The following SLA variants were observed in gnomAD, a reference collection of about 807,000 sequenced individuals.
SLA encodes the protein Src like adaptor, also known as src-like-adapter.
Under a neutral mutation model 30.3 loss-of-function variants are expected in SLA, and 16 were observed. The ratio of observed to expected loss-of-function variants is 0.53; its 90% confidence interval spans 0.36 to 0.80. The LOEUF (loss-of-function observed/expected upper bound fraction) is 0.80, where lower values mean the gene tolerates loss of function less well. Among genes scored for constraint, SLA ranks in the 30% least tolerant of loss-of-function variants. The pLI, the probability that SLA is intolerant of heterozygous loss-of-function variation, is 0.01. For synonymous variants in SLA, 143 were observed against 137.8 expected (o/e 1.04, Z -0.26); for missense variants, 310 against 345.2 (o/e 0.90, Z 0.81).
chr8:133,100,088 C>G (rs907850905), intron 1 of SLA, among the ~76,000 whole-genome samples: 4 of 152,202 alleles, frequency 2.6e-5, no homozygotes, highest in African/African-American at 7.2e-5. Context: ...GCTCTCTGAC[C>G]TTAACTCCTG....
At chr8:133,067,809 AAAGG>A (rs139216271) in intron 2 of SLA, among the ~76,000 whole-genome samples, 16,384 of 149,878 alleles carry the variant, frequency 0.11, 1,061 homozygotes, top group Non-Finnish European at 0.15. Context: ...AGAAAGAAAG[AAAGG>A]AAGGAAGGAA....
intron 7 of SLA, among the ~76,000 whole-genome samples, chr8:133,041,312 G>T (rs150522363): frequency 3.0e-4 from 46 of 152,318 alleles, no homozygotes; most frequent in African/African-American, 9.9e-4. Context: ...CCTTGCCAAA[G>T]AACAAAAGGA....
chr8:133,070,822 C>T (rs373493392), intron 2 of SLA, among the ~76,000 whole-genome samples: 6 of 152,234 alleles, frequency 3.9e-5, no homozygotes, highest in African/African-American at 1.2e-4. Context: ...CAGGCACCCC[C>T]GCTCCTGACC....
At chr8:133,078,838 G>A (rs1171361313) in intron 1 of SLA, among the ~76,000 whole-genome samples, 3 of 152,210 alleles carry the variant, frequency 2.0e-5, no homozygotes, top group Admixed American at 6.5e-5. Flanking sequence ...AGAATTCTCA[G>A]GTAGAGCATG....
intron 1 of SLA, among the ~76,000 whole-genome samples, chr8:133,101,639 G>C (rs1179314756): frequency 6.6e-6 from 1 of 152,204 alleles, no homozygotes; most frequent in Non-Finnish European, 1.5e-5. Flanking sequence ...ACCAACACCT[G>C]TTTGTTTAGT....
At chr8:133,095,337 G>A (rs1848243465) in intron 1 of SLA, 2 of 1,286,160 alleles carry the variant, frequency 1.6e-6, no homozygotes, top group South Asian at 1.2e-5. Context: ...AACTGGAGCT[G>A]GAACTCACAT....
intron 1 of SLA, among the ~76,000 whole-genome samples, chr8:133,089,247 G>T (rs989334868): frequency 6.6e-6 from 1 of 152,174 alleles, no homozygotes; most frequent in African/African-American, 2.4e-5. Flanking sequence ...GTTCTCTTCT[G>T]TTCCGCATAT....
chr8:133,054,934 T>C (rs1038466811), intron 3 of SLA, among the ~76,000 whole-genome samples: 2 of 152,194 alleles, frequency 1.3e-5, no homozygotes, highest in Non-Finnish European at 2.9e-5. Context: ...CACTCCCACT[T>C]ATAACTGTCT....
chr8:133,097,391 G>A lies in SLA; in HGVS notation c.-319+5162C>T, dbSNP rs555875228. The stretch of plus-strand genomic sequence containing the variant: ...TTGATTGATTGTGGCATTGATTATT[G>A]TGGCAAAAAATTGGAAGCAACTCAA... On this transcript the variant is annotated intron_variant, in intron 1 of 8. Coordinates refer to ENST00000338087, the MANE Select transcript of SLA (RefSeq NM_001045556.3). Among the ~76,000 whole-genome samples, 89 of 152,256 alleles carry A rather than the reference G, an allele frequency of 5.8e-4. 1 individual carries two copies. The highest frequency in any genetic ancestry group is 6.8e-3 in the Middle Eastern group (2 of 294).
At chr8:133,038,934 G>A (rs1005211700) in intron 8 of SLA, among the ~76,000 whole-genome samples, 197 bp from the exon 9 acceptor site, 5 of 152,168 alleles carry the variant, frequency 3.3e-5, no homozygotes, top group Non-Finnish European at 7.4e-5. Flanking sequence ...CTGGAGTGCA[G>A]TGGTGCAATC....
intron 1 of SLA, among the ~76,000 whole-genome samples, chr8:133,100,136 T>C (rs1849022439): frequency 6.6e-6 from 1 of 152,118 alleles, no homozygotes; most frequent in Non-Finnish European, 1.5e-5. Flanking sequence ...CCCTTTAGAG[T>C]TTCTCAAATA....
chr8:133,088,670 G>A (rs1488492105), intron 1 of SLA, among the ~76,000 whole-genome samples: 1 of 152,104 alleles, frequency 6.6e-6, no homozygotes, highest in African/African-American at 2.4e-5. Flanking sequence ...AAAAAAGAAG[G>A]AATAGCATTC....
At chr8:133,045,219 T>C (rs2131148599) in intron 6 of SLA, 104 bp from the exon 7 acceptor site, 2 of 1,214,350 alleles carry the variant, frequency 1.6e-6, no homozygotes, top group East Asian at 5.0e-5. Context: ...TGCCCACCCT[T>C]GGGATACAAC....
intron 2 of SLA, among the ~76,000 whole-genome samples, chr8:133,067,919 G>GGAAGGAAGGAAGGAAGA (rs1587972683): frequency 2.1e-4 from 18 of 85,824 alleles, no homozygotes; most frequent in Non-Finnish European, 2.4e-4. Context: ...AGGAAGGAAA[G>GGAAGGAAGGAAGGAAGA]AGAGAGAGAG....
rs149882670 is a variant in SLA, at chr8:133,038,284, G to T, written c.*240C>A. The T allele has an allele frequency of 1.8e-6, 1 of 550,480 alleles. No homozygotes were observed. Among genetic ancestry groups the T allele is most frequent in the Non-Finnish European group, 3.3e-6 (1 of 306,278 alleles). The allele number at this position is 550,480 out of a possible 1,614,324, so 34.1% of individuals were successfully genotyped here. A position where few individuals can be genotyped will look rare whatever the true frequency, so the allele number is the denominator to read the frequency against. On this transcript the variant is annotated 3_prime_UTR_variant, in exon 9 of 9. Transcript: ENST00000338087. ...TACATGCTGGGCTCTTCCAAGCATCGCCCGACATGTCATGATCCAATGTTT... is the reference window on the plus strand; with the variant it reads ...TACATGCTGGGCTCTTCCAAGCATCTCCCGACATGTCATGATCCAATGTTT...
chr8:133,062,091 C>T (rs886483562), intron 2 of SLA, among the ~76,000 whole-genome samples: 7 of 152,176 alleles, frequency 4.6e-5, no homozygotes, highest in Non-Finnish European at 1.0e-4. Flanking sequence ...GAACGGGCAG[C>T]ATGTTTAAAG....
At chr8:133,050,554 G>A (rs1840213890) in intron 4 of SLA, 3 of 394,470 alleles carry the variant, frequency 7.6e-6, no homozygotes, top group Non-Finnish European at 1.4e-5. Context: ...AAGAATATGA[G>A]AAGAGGCTGG....
chr8:133,062,773 G>T (rs1842556448), intron 2 of SLA, among the ~76,000 whole-genome samples: 1 of 152,086 alleles, frequency 6.6e-6, no homozygotes, highest in African/African-American at 2.4e-5. Context: ...CACAGGCCTT[G>T]GGAAGCATGC....
chr8:133,078,297 A>T (rs2739163), intron 1 of SLA, among the ~76,000 whole-genome samples: 27,623 of 152,094 alleles, frequency 0.18, 2,664 homozygotes, highest in South Asian at 0.21. Context: ...TGCTGTCAAG[A>T]ACTGGGGTGG....
Sources: gnomAD v4.1 joint callset for allele counts (sites outside exome capture counted in the v4.1 genomes callset) on GRCh38, gnomAD v4.1.1 for gene constraint, MANE v1.5 for transcripts, NCBI Gene and HGNC (gene_info 2026-07-23, HGNC 2026-07-21) for gene names.